Variants in EPS8 observed in about 807,000 individuals in gnomAD.
EPS8 encodes epidermal growth factor receptor kinase substrate 8.
In EPS8, 42 loss-of-function variants were observed where a neutral mutation model predicts 103.8. The observed-to-expected ratio is 0.40, with a 90% confidence interval of 0.32 to 0.52. The LOEUF (loss-of-function observed/expected upper bound fraction) is 0.52, where lower values mean the gene tolerates loss of function less well. EPS8 is among the 20% of genes least tolerant of loss of function. The pLI is 0.40. For synonymous variants in EPS8, 344 were observed against 344.6 expected (o/e 1.00, Z 0.02); for missense variants, 969 against 1,005.1 (o/e 0.96, Z 0.49).
At position 15,697,326 on chromosome 12, in the gene EPS8, A is replaced by G. The variant is rs544913246; in HGVS notation, c.-21-14354T>C. Among the ~76,000 whole-genome samples, 35 of 152,388 alleles carry G rather than the reference A, an allele frequency of 2.3e-4. No individual in the cohort carries two copies. The highest frequency in any genetic ancestry group is 8.2e-4 in the African/African-American group (34 of 41,596). On this transcript the variant is annotated intron_variant, in intron 1 of 20. Transcript: ENST00000281172. The surrounding 1 kb of genome is among the most constrained non-coding windows in gnomAD (Gnocchi z 5.6). ...CCAAATGGTGGTACAAAATCAGGGC[A>G]TGAAGGAAAACTAAACTATTACAAA...
chr12:15,658,607 G>A, intron 10 of EPS8, 22 bp from the exon 11 acceptor site: 1 of 1,487,492 alleles, frequency 6.7e-7, no homozygotes, highest in Non-Finnish European at 9.4e-7. Flanking sequence ...AGCGAGAGGA[G>A]AGGATCAGAG....
In EPS8 at chr12:15,761,519, A is replaced by G. The variant is rs1380426321; in HGVS notation, c.-22+27642T>C. Among the ~76,000 whole-genome samples, 4 of 152,286 alleles carry G rather than the reference A, an allele frequency of 2.6e-5. No individual in the cohort carries two copies. The highest frequency in any genetic ancestry group is 9.6e-5 in the African/African-American group (4 of 41,586). On this transcript the variant is annotated intron_variant, in intron 1 of 20. Coordinates refer to ENST00000281172, the MANE Select transcript of EPS8 (RefSeq NM_004447.6). This position sits in a 1 kb window ranked among gnomAD's most constrained non-coding sequence, Gnocchi z 4.5. ...AGAACAAAACTGGAAGAATCACATT[A>G]CCTGATTTCAAATTATACTATGGAG...
In EPS8 at chr12:15,767,769, A is replaced by C. The variant is rs1166392814; in HGVS notation, c.-22+21392T>G. On this transcript the variant is annotated intron_variant, in intron 1 of 20. Coordinates refer to ENST00000281172, the MANE Select transcript of EPS8 (RefSeq NM_004447.6). The surrounding 1 kb of genome is among the most constrained non-coding windows in gnomAD (Gnocchi z 5.5). ...GCTCTCCTTCCAGGAATACCTGTCA[A>C]AATACTCATTTGTCAGTTTTAAGCT... is the stretch of plus-strand genomic sequence containing the variant. Among the ~76,000 whole-genome samples the C allele has an allele frequency of 6.6e-6, 1 of 152,252 alleles. No homozygotes were observed. The highest frequency in any genetic ancestry group is 1.5e-5 in the Non-Finnish European group (1 of 68,044).
intron 8 of EPS8, among the ~76,000 whole-genome samples, chr12:15,663,313 C>T (rs564307208): frequency 2.0e-4 from 31 of 152,108 alleles, no homozygotes; most frequent in Non-Finnish European, 3.7e-4. Context: ...GTGCCACTGG[C>T]GCTATTCCAC....
intron 1 of EPS8, among the ~76,000 whole-genome samples, chr12:15,755,817 G>A (rs1946981074): frequency 6.6e-6 from 1 of 152,020 alleles, no homozygotes; most frequent in Non-Finnish European, 1.5e-5. Context: ...TTACTCTGTA[G>A]TTTTGCTCCA....
At chr12:15,661,932 A>G (rs569442077) in intron 9 of EPS8, 94 bp downstream of exon 9, 1 of 896,416 alleles carries the variant, frequency 1.1e-6, no homozygotes, top group East Asian at 2.5e-5. Flanking sequence ...TTTCCATAAA[A>G]TATCTCTATT....
At chr12:15,648,052 C>T (rs369116466) in intron 14 of EPS8, among the ~76,000 whole-genome samples, 5 of 152,306 alleles carry the variant, frequency 3.3e-5, no homozygotes, top group African/African-American at 7.2e-5. Flanking sequence ...AATCTAAAGG[C>T]GCAGCTCATC....
chr12:15,634,650 C>G, intron 17 of EPS8: 1 of 398,054 alleles, frequency 2.5e-6, no homozygotes, highest in Non-Finnish European at 4.4e-6. Context: ...CTAAGCACAG[C>G]TGGAACATTT....
intron 15 of EPS8, among the ~76,000 whole-genome samples, 179 bp from the exon 16 acceptor site, chr12:15,642,009 A>G (rs147691189): frequency 2.3e-4 from 35 of 152,228 alleles, no homozygotes; most frequent in African/African-American, 7.7e-4. Flanking sequence ...TGCTTTTAAA[A>G]TGAACAAATT....
In EPS8 at chr12:15,634,098, A is replaced by G. The variant is rs1025327495; in HGVS notation, c.1822-2434T>C. Among the ~76,000 whole-genome samples the G allele has an allele frequency of 1.1e-4, 16 of 152,348 alleles. No individual in the cohort carries two copies. The East Asian group carries it at 2.1e-3, about 20-fold the overall frequency. On this transcript the variant is annotated intron_variant, in intron 17 of 20. Coordinates refer to ENST00000281172, the MANE Select transcript of EPS8 (RefSeq NM_004447.6). ...TTTTTTCTCCTGAACCAACGTACTG[A>G]AGCTCCAAATCCAAAAAAGAAATTC...
At chr12:15,724,201 C>A (rs1446942045) in intron 1 of EPS8, among the ~76,000 whole-genome samples, 1 of 151,954 alleles carries the variant, frequency 6.6e-6, no homozygotes, top group African/African-American at 2.4e-5. Context: ...TAAAATATCA[C>A]CAAAAAGTCT....
rs1406791719 is a variant in EPS8, at chr12:15,736,739, C to A, written c.-22+52422G>T. ...TGAGAGAAAAATAATACATAAGATG[C>A]AAAGAAAAAATGCATAAGGCATCCT... On this transcript the variant is annotated intron_variant, in intron 1 of 20. Coordinates refer to ENST00000281172, the MANE Select transcript of EPS8 (RefSeq NM_004447.6). The surrounding 1 kb of genome is among the most constrained non-coding windows in gnomAD (Gnocchi z 4.2). Among the ~76,000 whole-genome samples the A allele has an allele frequency of 6.6e-6, 1 of 151,662 alleles. No individual in the cohort carries two copies. The highest frequency in any genetic ancestry group is 1.5e-5 in the Non-Finnish European group (1 of 67,916).
At chr12:15,677,233 A>G (rs771785644) in intron 3 of EPS8, among the ~76,000 whole-genome samples, 1 of 152,178 alleles carries the variant, frequency 6.6e-6, no homozygotes, top group African/African-American at 2.4e-5. Flanking sequence ...ATATAAACTT[A>G]CCACAGAATT....
intron 17 of EPS8, among the ~76,000 whole-genome samples, chr12:15,632,398 A>G (rs1323497242): frequency 2.0e-5 from 3 of 152,234 alleles, no homozygotes; most frequent in Non-Finnish European, 4.4e-5. Context: ...CTTATAAAAC[A>G]GCATTTGTGC....
chr12:15,640,797 T>C lies in EPS8; in HGVS notation c.1727A>G (p.Asp576Gly). Residue 576 changes from aspartate (D) to glycine (G), a missense_variant, in exon 17 of 21, where the codon GAC (aspartate) becomes GGC (glycine). By Grantham distance (94) the Asp-to-Gly change is moderately conservative (BLOSUM62 -1). Transcript: ENST00000281172. The stretch of plus-strand genomic sequence containing the variant: ...AATGTTATTTGGCACAAATCCAGAG[T>C]CTCCACTTGCATTTCGAACTTTCCA... ...QWWKVRNASG[D>G]SGFVPNNILD... 6.2e-7 allele frequency: 1 copy of C among 1,613,750 alleles called. No individual in the cohort carries two copies. The highest frequency in any genetic ancestry group is 8.5e-7 in the Non-Finnish European group (1 of 1,179,790).
intron 1 of EPS8, among the ~76,000 whole-genome samples, chr12:15,750,052 C>T (rs755182170): frequency 3.3e-5 from 5 of 152,162 alleles, no homozygotes; most frequent in Non-Finnish European, 7.3e-5. Context: ...TCTCTCTAAA[C>T]CTGCCGGGTG....
intron 17 of EPS8, among the ~76,000 whole-genome samples, chr12:15,633,580 C>G (rs530093258): frequency 2.0e-5 from 3 of 152,156 alleles, no homozygotes; most frequent in Non-Finnish European, 4.4e-5. Flanking sequence ...ATGTTCTGTG[C>G]TTTATTTCAT....
rs757712196 is a variant in EPS8, at chr12:15,624,241, C to T, written c.2211G>A (p.Lys737=). 1 of 1,613,448 alleles carries T rather than the reference C, an allele frequency of 6.2e-7. No individual in the cohort carries two copies. The highest frequency in any genetic ancestry group is 8.5e-7 in the Non-Finnish European group (1 of 1,179,858). The change falls in exon 19 of 21, where the codon AAG becomes AAA. Residue 737 remains lysine, a synonymous_variant. Transcript: ENST00000281172. Reference sequence around the variant, plus strand: ...GAGAGACTCACACAGGGTTGAATCCCTTTGACTGTAACCACGTCTTCACAT... The same window carrying T: ...GAGAGACTCACACAGGGTTGAATCCTTTTGACTGTAACCACGTCTTCACAT... ...PEDVKTWLQS[K]GFNPVTVNSL...
At position 15,761,920 on chromosome 12, in the gene EPS8, C is replaced by T. The variant is rs1437884760; in HGVS notation, c.-22+27241G>A. Among the ~76,000 whole-genome samples the T allele has an allele frequency of 1.3e-5, 2 of 151,950 alleles. No homozygotes were observed. Among genetic ancestry groups the T allele is most frequent in the African/African-American group, 4.8e-5 (2 of 41,348 alleles). On this transcript the variant is annotated intron_variant, in intron 1 of 20. Transcript: ENST00000281172. This position sits in a 1 kb window ranked among gnomAD's most constrained non-coding sequence, Gnocchi z 4.5. ...ACCTCACGAGAACAGGCAACCAAAA[C>T]GAAAAGGGACAAATGGGATCATATC...
Sources: gnomAD v4.1 joint callset for allele counts (sites outside exome capture counted in the v4.1 genomes callset) on GRCh38, gnomAD v4.1.1 for gene constraint, Gnocchi (gnomAD v3.1) non-coding constraint, MANE v1.5 for transcripts, NCBI Gene and HGNC (gene_info 2026-07-23, HGNC 2026-07-21) for gene names.